The following BAZ2B variants were observed in gnomAD, a reference collection of about 807,000 sequenced individuals.
The protein encoded by BAZ2B is bromodomain adjacent to zinc finger domain protein 2B.
In BAZ2B, 91 loss-of-function variants were observed where a neutral mutation model predicts 246.0. That is an observed-to-expected ratio of 0.37 (90% CI 0.31 to 0.44). The LOEUF is 0.44. Among genes scored for constraint, BAZ2B ranks in the 20% least tolerant of loss-of-function variants. BAZ2B has a pLI of 1.00. For synonymous variants in BAZ2B, 855 were observed against 860.0 expected (o/e 0.99, Z 0.10); for missense variants, 2,332 against 2,533.7 (o/e 0.92, Z 1.71).
At chr2:159,345,172 C>T (rs542539734) in intron 31 of BAZ2B, among the ~76,000 whole-genome samples, 211 of 150,210 alleles carry the variant, frequency 1.4e-3, no homozygotes, top group Non-Finnish European at 2.7e-3. Context: ...GATCACGCCA[C>T]TATACTCAAG....
intron 1 of BAZ2B, among the ~76,000 whole-genome samples, chr2:159,566,822 A>G (rs774152452): frequency 5.3e-5 from 8 of 152,208 alleles, no homozygotes; most frequent in Non-Finnish European, 8.8e-5. Flanking sequence ...GTAATTTTAT[A>G]TCCTTTACTG....
intron 3 of BAZ2B, chr2:159,460,319 A>T (rs1342488206): frequency 1.3e-5 from 2 of 152,104 alleles, no homozygotes; most frequent in African/African-American, 2.4e-5. Context: ...AGTGAACAAA[A>T]TCTCCCATCA....
the BAZ2B span, among the ~76,000 whole-genome samples, chr2:159,681,445 CAA>C: frequency 5.6e-4 from 78 of 138,712 alleles, no homozygotes; most frequent in Admixed American, 8.5e-4. Flanking sequence ...ACAGTTTGAC[CAA>C]AAAAAAAAAA....
At chr2:159,623,046 AAAG>A in the BAZ2B span, among the ~76,000 whole-genome samples, 76,155 of 142,304 alleles carry the variant, frequency 0.54, 21,409 homozygotes, top group East Asian at 0.73. Context: ...AGAGGAAAGA[AAAG>A]AAAGGAAGAG....
intron 3 of BAZ2B, among the ~76,000 whole-genome samples, chr2:159,465,277 A>G (rs7576462): frequency 0.4 from 61,145 of 151,984 alleles, 12,860 homozygotes; most frequent in East Asian, 0.61. Context: ...TGATAAAAAT[A>G]CTGGATATGT....
chr2:159,485,547 G>T (rs768234302), intron 2 of BAZ2B, among the ~76,000 whole-genome samples: 2 of 152,006 alleles, frequency 1.3e-5, no homozygotes, highest in African/African-American at 2.4e-5. Context: ...AGAACTGGCT[G>T]GCAACCAGGT....
intron 3 of BAZ2B, chr2:159,459,125 C>G (rs1160865124): frequency 6.6e-6 from 1 of 152,164 alleles, no homozygotes; most frequent in African/African-American, 2.4e-5. Context: ...AATCTCCAGA[C>G]AGTTATATTT....
Position 159,478,498 on chromosome 2 carries a change from A to G in BAZ2B, c.145+77T>C, listed in dbSNP as rs73008620. On this transcript the variant is annotated intron_variant, in intron 3 of 36. Coordinates refer to ENST00000392783, the MANE Select transcript of BAZ2B (RefSeq NM_013450.4). ...TCAATGCAAGTCATGAGAATATTTTATTCAGTGCTCAATAAAATATTATGC... is the reference window on the plus strand; with the variant it reads ...TCAATGCAAGTCATGAGAATATTTTGTTCAGTGCTCAATAAAATATTATGC... The G allele has an allele frequency of 2.1e-6, 3 of 1,435,032 alleles. No homozygotes were observed. The African/African-American group carries it at 4.3e-5, about 21-fold the overall frequency. 88.9% of individuals were successfully genotyped at this position (1,435,032 alleles called of 1,614,324 possible). A position where few individuals can be genotyped will look rare whatever the true frequency, so the allele number is the denominator to read the frequency against.
chr2:159,673,719 C>G, the BAZ2B span, among the ~76,000 whole-genome samples: 142,188 of 152,146 alleles, frequency 0.93, 66,569 homozygotes, highest in African/African-American at 0.97. Flanking sequence ...AATATATCCA[C>G]GATATATTAG....
the BAZ2B span, chr2:159,689,769 T>C: frequency 2.0e-6 from 1 of 507,216 alleles, no homozygotes; most frequent in Non-Finnish European, 3.6e-6. Flanking sequence ...ATCAATTTAT[T>C]GACCACTTCT....
chr2:159,345,254 A>G (rs145642973), intron 31 of BAZ2B, among the ~76,000 whole-genome samples: 141 of 152,248 alleles, frequency 9.3e-4, no homozygotes, highest in African/African-American at 3.2e-3. Context: ...GGTAGGAGAA[A>G]TAAGTTCTCG....
the BAZ2B span, among the ~76,000 whole-genome samples, chr2:159,686,289 T>A: frequency 1.3e-5 from 2 of 152,136 alleles, no homozygotes; most frequent in African/African-American, 4.8e-5. Context: ...AATGGCAGAT[T>A]ACTACCTTAA....
At chr2:159,463,031 T>C in intron 3 of BAZ2B, 1 of 739,780 alleles carries the variant, frequency 1.4e-6, no homozygotes, top group Non-Finnish European at 2.5e-6. Context: ...TGCTCTGTAA[T>C]TATGACCTGA....
Position 159,433,295 on chromosome 2 carries a change from A to C in BAZ2B, c.1362T>G (p.Val454=). The C allele has an allele frequency of 6.2e-7, 1 of 1,614,134 alleles. No individual in the cohort carries two copies. Among genetic ancestry groups the C allele is most frequent in the Non-Finnish European group, 8.5e-7 (1 of 1,180,016 alleles). The stretch of plus-strand genomic sequence containing the variant: ...CTTTTGGATTTGACAAAGCTGCAAT[A>C]ACCTTCTTCAGGCTCTTCGATGACT... ...KQESSKSLKK[V]IAALSNPKAT... is the part of the protein sequence containing the mutation. Residue 454 remains valine, a synonymous_variant, in exon 9 of 37, where the codon GTT becomes GTG. Transcript: ENST00000392783.
chr2:159,691,108 G>C, the BAZ2B span, among the ~76,000 whole-genome samples: 1 of 152,092 alleles, frequency 6.6e-6, no homozygotes, highest in South Asian at 2.1e-4. Flanking sequence ...ATTTTCTTGA[G>C]TGCTTTTATC....
rs12988323 is a variant in BAZ2B, at chr2:159,479,472, A to G, written c.-2-751T>C. On this transcript the variant is annotated intron_variant, in intron 2 of 36. Coordinates refer to ENST00000392783, the MANE Select transcript of BAZ2B (RefSeq NM_013450.4). ...GCACTGATCCCACAATCAAGCAAGA[A>G]AGTCATTAAATTCACAGATGCTTTA... Among the ~76,000 whole-genome samples, 225 of 152,320 alleles carry G rather than the reference A, an allele frequency of 1.5e-3. 1 individual carries two copies. The highest frequency in any genetic ancestry group is 3.4e-3 in the Middle Eastern group (1 of 294).
chr2:159,630,978 G>C, the BAZ2B span, among the ~76,000 whole-genome samples: 1 of 152,128 alleles, frequency 6.6e-6, no homozygotes, highest in East Asian at 1.9e-4. Flanking sequence ...AGGATTGCTT[G>C]AGCTCAGGAG....
chr2:159,617,068 T>C (rs1696176750), upstream of BAZ2B: 1 of 152,156 alleles, frequency 6.6e-6, no homozygotes, highest in African/African-American at 2.4e-5. Flanking sequence ...AAATAAAATT[T>C]AAATAAAAGA....
chr2:159,679,271 C>CAAAAA, the BAZ2B span, among the ~76,000 whole-genome samples: 9 of 64,440 alleles, frequency 1.4e-4, no homozygotes, highest in African/African-American at 2.8e-4. Flanking sequence ...GACTTCATCT[C>CAAAAA]AAAAAAAAAA....
Sources: gnomAD v4.1 joint callset for allele counts (sites outside exome capture counted in the v4.1 genomes callset) on GRCh38, gnomAD v4.1.1 for gene constraint, MANE v1.5 for transcripts, NCBI Gene and HGNC (gene_info 2026-07-23, HGNC 2026-07-21) for gene names.